Variants in LARGE1 observed in about 807,000 individuals in gnomAD.
LARGE1 encodes the protein LARGE xylosyl- and glucuronyltransferase 1, also known as xylosyl- and glucuronyltransferase LARGE1.
In LARGE1, 43 loss-of-function variants were observed where a neutral mutation model predicts 87.6. That is an observed-to-expected ratio of 0.49 (90% CI 0.38 to 0.63). The LOEUF is 0.63. Among genes scored for constraint, LARGE1 ranks in the 30% least tolerant of loss-of-function variants. The probability of loss-of-function intolerance (pLI) is 0.00; values close to 1 mark genes in which losing one functional copy is unlikely to be tolerated. For synonymous variants in LARGE1, 434 were observed against 394.6 expected (o/e 1.10, Z -1.18); for missense variants, 802 against 1,000.2 (o/e 0.80, Z 2.67).
chr22:33,329,430 T>A (rs1387079207), intron 10 of LARGE1, among the ~76,000 whole-genome samples: 1 of 152,046 alleles, frequency 6.6e-6, no homozygotes, highest in Non-Finnish European at 1.5e-5. Flanking sequence ...TGTGGGTTTT[T>A]TTTTTGTGGG....
At chr22:33,175,083 A>G (rs573225657) in intron 11 of LARGE1, among the ~76,000 whole-genome samples, 14 of 152,346 alleles carry the variant, frequency 9.2e-5, no homozygotes, top group Admixed American at 3.3e-4. Flanking sequence ...AAAATCCTCA[A>G]TAAAATACTG....
At chr22:33,691,737 C>CGTCT (rs1393149892) in intron 2 of LARGE1, among the ~76,000 whole-genome samples, 1 of 152,140 alleles carries the variant, frequency 6.6e-6, no homozygotes, top group African/African-American at 2.4e-5. Context: ...CTCTTCCTAC[C>CGTCT]GTCTGGGTCA....
At chr22:33,819,081 G>A (rs1348881615) in intron 1 of LARGE1, among the ~76,000 whole-genome samples, 2 of 152,100 alleles carry the variant, frequency 1.3e-5, no homozygotes, top group East Asian at 3.9e-4. Context: ...AACTTCAAAG[G>A]CCACCAGTTT....
chr22:33,310,872 G>A (rs1046021714), intron 11 of LARGE1, among the ~76,000 whole-genome samples: 3 of 152,084 alleles, frequency 2.0e-5, no homozygotes, highest in Non-Finnish European at 2.9e-5. Context: ...ACAGGAGTGG[G>A]TATCGTGTGT....
intron 6 of LARGE1, among the ~76,000 whole-genome samples, chr22:33,471,783 C>T (rs1429763608): frequency 6.6e-6 from 1 of 152,054 alleles, no homozygotes; most frequent in African/African-American, 2.4e-5. Context: ...CCCTGTAATC[C>T]CAGCACTTTG....
the LARGE1 span, among the ~76,000 whole-genome samples, chr22:33,117,578 C>T: frequency 1.3e-5 from 2 of 151,854 alleles, no homozygotes; most frequent in Non-Finnish European, 2.9e-5. Context: ...GAAAGAAAAT[C>T]GAAGTCATAA....
At chr22:33,154,538 C>A in the LARGE1 span, among the ~76,000 whole-genome samples, 13 of 152,266 alleles carry the variant, frequency 8.5e-5, no homozygotes, top group South Asian at 2.7e-3. Flanking sequence ...CTGCGCCCAG[C>A]CAGGTTTATG....
At chr22:33,604,595 G>A in intron 4 of LARGE1, 37 bp from the exon 5 acceptor site, 6 of 1,613,628 alleles carry the variant, frequency 3.7e-6, no homozygotes, top group Non-Finnish European at 5.1e-6. Flanking sequence ...CAGGTGGAGA[G>A]GTACGGCTCT....
At chr22:33,831,947 T>C (rs550468917) in intron 1 of LARGE1, among the ~76,000 whole-genome samples, 81 of 152,310 alleles carry the variant, frequency 5.3e-4, no homozygotes, top group African/African-American at 1.9e-3. Context: ...CCTAGAATAA[T>C]GCTCTCTTTC....
intron 10 of LARGE1, among the ~76,000 whole-genome samples, chr22:33,327,687 C>G (rs779997066): frequency 3.9e-5 from 6 of 152,170 alleles, no homozygotes; most frequent in Non-Finnish European, 8.8e-5. Flanking sequence ...TCCTGAGTAG[C>G]TAGGACCACA....
chr22:33,283,392 C>T (rs1297063450), intron 12 of LARGE1, 44 bp from the exon 13 acceptor site: 2 of 1,611,324 alleles, frequency 1.2e-6, no homozygotes, highest in Admixed American at 3.3e-5. Flanking sequence ...CCTGTGACAC[C>T]AGGCCAAGGT....
the LARGE1 span, among the ~76,000 whole-genome samples, chr22:33,106,565 G>A: frequency 2.0e-5 from 3 of 151,740 alleles, no homozygotes; most frequent in South Asian, 2.1e-4. Flanking sequence ...GCACGATCTC[G>A]GTTCACTGCA....
At chr22:33,116,557 G>T in the LARGE1 span, among the ~76,000 whole-genome samples, 1 of 151,460 alleles carries the variant, frequency 6.6e-6, no homozygotes, top group Admixed American at 6.6e-5. Context: ...TAGAGACGGG[G>T]TTTCACCGTG....
intron 11 of LARGE1, among the ~76,000 whole-genome samples, chr22:33,258,878 CTTTT>C (rs71187256): frequency 1.8e-4 from 26 of 142,500 alleles, no homozygotes; most frequent in South Asian, 4.5e-4. Context: ...TATGTTTCTT[CTTTT>C]TTTTTTTTTT....
chr22:33,714,270 C>T (rs2082845901), intron 2 of LARGE1, among the ~76,000 whole-genome samples: 1 of 152,110 alleles, frequency 6.6e-6, no homozygotes, highest in Non-Finnish European at 1.5e-5. Context: ...TGAGGAGCCC[C>T]TCGTTCAGAG....
intron 1 of LARGE1, among the ~76,000 whole-genome samples, chr22:33,886,771 T>TG (rs1441914631): frequency 1.3e-5 from 2 of 151,840 alleles, no homozygotes; most frequent in Non-Finnish European, 2.9e-5. Context: ...TAAAAAATTA[T>TG]TTTTATAGTA....
At chr22:33,395,425 A>T (rs2065705814) in intron 7 of LARGE1, among the ~76,000 whole-genome samples, 1 of 152,154 alleles carries the variant, frequency 6.6e-6, no homozygotes, top group Non-Finnish European at 1.5e-5. Context: ...GCATGGTAGG[A>T]ACATTCCCTT....
At chr22:33,429,855 G>C (rs2067016372) in intron 7 of LARGE1, among the ~76,000 whole-genome samples, 1 of 152,126 alleles carries the variant, frequency 6.6e-6, no homozygotes, top group Non-Finnish European at 1.5e-5. Flanking sequence ...CCCCGTCCCT[G>C]GCCCGCTGTG....
chr22:33,512,327 G>C (rs552746742), intron 6 of LARGE1, among the ~76,000 whole-genome samples: 2 of 152,190 alleles, frequency 1.3e-5, no homozygotes, highest in Non-Finnish European at 1.5e-5. Flanking sequence ...GCCCAAAATA[G>C]GAGAATGTCT....
Sources: allele counts gnomAD v4.1 joint callset (sites outside exome capture counted in the v4.1 genomes callset), GRCh38; gene constraint gnomAD v4.1.1; transcripts MANE v1.5; gene names NCBI Gene and HGNC (gene_info 2026-07-23, HGNC 2026-07-21).